The following RBFOX1 variants were observed in gnomAD, a reference collection of about 807,000 sequenced individuals.
RBFOX1 encodes RNA binding fox-1 homolog 1.
A neutral mutation model predicts 57.7 loss-of-function variants in RBFOX1; 8 were observed. The ratio of observed to expected loss-of-function variants is 0.14; its 90% CI spans 0.08 to 0.25. The LOEUF (loss-of-function observed/expected upper bound fraction) is 0.25. Ranked by LOEUF, RBFOX1 falls within the 10% of genes least tolerant of loss-of-function variation. The pLI is 1.00. For synonymous variants in RBFOX1, 326 were observed against 222.4 expected (o/e 1.47, Z -4.15); for missense variants, 611 against 548.5 (o/e 1.11, Z -1.14).
intron 1 of RBFOX1, among the ~76,000 whole-genome samples, chr16:5,449,551 G>A (rs1208108831): frequency 1.3e-5 from 2 of 152,110 alleles, no homozygotes; most frequent in Non-Finnish European, 2.9e-5. Flanking sequence ...ACATCTATCT[G>A]GCCCCATGCT....
intron 3 of RBFOX1, among the ~76,000 whole-genome samples, chr16:6,990,247 G>A (rs1003729668): frequency 1.3e-5 from 2 of 152,092 alleles, no homozygotes; most frequent in African/African-American, 4.8e-5. Context: ...ATAGTGGCCA[G>A]ATAGCGGTAG....
chr16:5,287,989 C>A (rs551311292), intron 1 of RBFOX1, among the ~76,000 whole-genome samples: 1 of 152,312 alleles, frequency 6.6e-6, no homozygotes, highest in African/African-American at 2.4e-5. Context: ...ATGCTTCTGG[C>A]TGCAGCCCAG....
intron 3 of RBFOX1, among the ~76,000 whole-genome samples, chr16:6,821,769 T>C (rs77664010): frequency 0.027 from 4,182 of 152,310 alleles, 203 homozygotes; most frequent in African/African-American, 0.096. Context: ...ACCAATTTTT[T>C]CATTGATAGA....
chr16:7,693,394 C>T (rs755959386), intron 14 of RBFOX1: 5 of 1,508,890 alleles, frequency 3.3e-6, no homozygotes, highest in East Asian at 2.3e-5. Flanking sequence ...CTTCTTGATG[C>T]ATCCATCCAA....
intron 10 of RBFOX1, among the ~76,000 whole-genome samples, chr16:7,618,616 C>T (rs1413225864): frequency 6.6e-6 from 1 of 151,868 alleles, no homozygotes; most frequent in East Asian, 1.9e-4. Context: ...TTTCATTGTT[C>T]TTTTCAAAAT....
intron 1 of RBFOX1, among the ~76,000 whole-genome samples, chr16:5,319,357 C>T (rs1053199916): frequency 2.6e-5 from 4 of 152,140 alleles, no homozygotes; most frequent in Non-Finnish European, 4.4e-5. Flanking sequence ...GGAGTTTGCT[C>T]TGAATTTGTC....
At chr16:5,476,485 T>C (rs1175651556) in intron 2 of RBFOX1, among the ~76,000 whole-genome samples, 1 of 152,206 alleles carries the variant, frequency 6.6e-6, no homozygotes, top group Admixed American at 6.5e-5. Context: ...AGCTCATTAC[T>C]CATTCATGTA....
chr16:6,970,609 C>T (rs911975104), intron 3 of RBFOX1, among the ~76,000 whole-genome samples: 3 of 152,170 alleles, frequency 2.0e-5, no homozygotes, highest in African/African-American at 7.2e-5. Flanking sequence ...AAAAAGCACT[C>T]CCTCCTGCCT....
intron 3 of RBFOX1, among the ~76,000 whole-genome samples, chr16:5,712,954 T>C (rs1428462112): frequency 7.0e-6 from 1 of 142,664 alleles, no homozygotes. Flanking sequence ...TGCTGTATCA[T>C]GATTGGTCTC....
At position 6,914,078 on chromosome 16, in the gene RBFOX1, T is replaced by C. The variant is rs538596453; in HGVS notation, c.-15-137979T>C. Among the ~76,000 whole-genome samples, 36 of 152,364 alleles carry C rather than the reference T, an allele frequency of 2.4e-4. No individual in the cohort carries two copies. The South Asian group carries it at 7.5e-3, about 32-fold the overall frequency. On this transcript the variant is annotated intron_variant, in intron 3 of 15. Coordinates refer to ENST00000550418, the MANE Select transcript of RBFOX1 (RefSeq NM_018723.4). ...GGTTAGAAACCCATCTTTTGTTTTA[T>C]GTCTAATCTATCCAGTGCTAAAACA...
intron 4 of RBFOX1, among the ~76,000 whole-genome samples, chr16:7,112,517 T>G (rs2065004464): frequency 6.6e-6 from 1 of 152,038 alleles, no homozygotes; most frequent in Non-Finnish European, 1.5e-5. Context: ...TAACAAACAT[T>G]CTTTTAACAT....
At chr16:7,332,826 A>G (rs1162106037) in intron 4 of RBFOX1, 8 of 1,427,560 alleles carry the variant, frequency 5.6e-6, no homozygotes, top group South Asian at 1.6e-5. Flanking sequence ...TCACATTAAG[A>G]GTTGCTGATG....
At chr16:6,271,281 G>A (rs150382549) in intron 1 of RBFOX1, among the ~76,000 whole-genome samples, 7 of 152,168 alleles carry the variant, frequency 4.6e-5, no homozygotes, top group South Asian at 4.2e-4. Context: ...AAAATTAGCC[G>A]AGCATAGTGG....
chr16:6,280,706 T>C (rs998341072), intron 1 of RBFOX1, among the ~76,000 whole-genome samples: 2 of 151,922 alleles, frequency 1.3e-5, no homozygotes, highest in Admixed American at 6.6e-5. Flanking sequence ...CGGGAGAGAA[T>C]GAGGGTTGGA....
intron 6 of RBFOX1, among the ~76,000 whole-genome samples, chr16:7,583,849 C>T (rs2152867120): frequency 6.6e-6 from 1 of 152,172 alleles, no homozygotes; most frequent in East Asian, 1.9e-4. Flanking sequence ...CACACCAAAA[C>T]AAAATATAGG....
chr16:6,803,127 C>T (rs1325786577), intron 3 of RBFOX1, among the ~76,000 whole-genome samples: 8 of 150,956 alleles, frequency 5.3e-5, no homozygotes, highest in Non-Finnish European at 1.0e-4. Context: ...TGAGCTAGAC[C>T]ATGCCTTGAT....
chr16:5,342,358 G>A (rs1043841280), intron 1 of RBFOX1, among the ~76,000 whole-genome samples: 5 of 152,080 alleles, frequency 3.3e-5, no homozygotes, highest in African/African-American at 9.7e-5. Context: ...AAGCCTTGGG[G>A]GACTACAGAG....
intron 4 of RBFOX1, among the ~76,000 whole-genome samples, chr16:7,462,802 C>T (rs1176978472): frequency 2.0e-5 from 3 of 152,162 alleles, no homozygotes; most frequent in Non-Finnish European, 2.9e-5. Flanking sequence ...TGCTGTCCAG[C>T]GACAGCTACT....
chr16:6,905,501 C>G (rs2153421142), intron 3 of RBFOX1, among the ~76,000 whole-genome samples: 1 of 150,220 alleles, frequency 6.7e-6, no homozygotes, highest in East Asian at 2.0e-4. Flanking sequence ...TGCAGTGAGC[C>G]AAGCTGATGC....
Sources: gnomAD v4.1 joint callset for allele counts (sites outside exome capture counted in the v4.1 genomes callset) on GRCh38, gnomAD v4.1.1 for gene constraint, MANE v1.5 for transcripts, NCBI Gene and HGNC (gene_info 2026-07-23, HGNC 2026-07-21) for gene names.